TBC1D5: variants seen among roughly 807,000 people sequenced by gnomAD.
TBC1D5 encodes the protein TBC1 domain family member 5.
Under a neutral mutation model 100.3 loss-of-function variants are expected in TBC1D5, and 75 were observed. That is an observed-to-expected ratio of 0.75 (90% CI 0.62 to 0.91). The LOEUF is 0.91. Ranked by LOEUF, TBC1D5 falls within the 40% of genes least tolerant of loss-of-function variation. The pLI is 0.00. For synonymous variants in TBC1D5, 323 were observed against 325.6 expected (o/e 0.99, Z 0.09); for missense variants, 910 against 942.4 (o/e 0.97, Z 0.45).
intron 13 of TBC1D5, among the ~76,000 whole-genome samples, chr3:17,365,515 C>A (rs1032774263): frequency 6.6e-6 from 1 of 152,162 alleles, no homozygotes; most frequent in Non-Finnish European, 1.5e-5. Flanking sequence ...GAATTGGACT[C>A]CGACAAGGAA....
At chr3:17,734,589 G>C (rs1332034017) in intron 1 of TBC1D5, among the ~76,000 whole-genome samples, 1 of 152,274 alleles carries the variant, frequency 6.6e-6, no homozygotes, top group East Asian at 1.9e-4. Context: ...CCTAAAGGAA[G>C]AACAAGACTT....
chr3:17,494,932 G>C (rs541050642), intron 3 of TBC1D5, among the ~76,000 whole-genome samples: 1 of 152,192 alleles, frequency 6.6e-6, no homozygotes, highest in African/African-American at 2.4e-5. Flanking sequence ...CTGATCCCTG[G>C]GTTGCACAGA....
At chr3:17,279,332 G>A (rs1021476879) in intron 15 of TBC1D5, among the ~76,000 whole-genome samples, 15 of 152,202 alleles carry the variant, frequency 9.9e-5, no homozygotes, top group Admixed American at 3.3e-4. Flanking sequence ...GGGACATGGC[G>A]ACACCAACAA....
chr3:17,391,677 TAGC>T (rs1432146813), intron 8 of TBC1D5, among the ~76,000 whole-genome samples: 2 of 151,858 alleles, frequency 1.3e-5, no homozygotes, highest in African/African-American at 4.8e-5. Context: ...AAAAGACTAT[TAGC>T]AAAAGACAAT....
chr3:17,468,457 C>T (rs973666354), intron 3 of TBC1D5, among the ~76,000 whole-genome samples: 1 of 152,000 alleles, frequency 6.6e-6, no homozygotes, highest in African/African-American at 2.4e-5. Context: ...ACTATCAATC[C>T]CCTTAAATTG....
intron 13 of TBC1D5, among the ~76,000 whole-genome samples, chr3:17,338,094 G>A (rs1320782264): frequency 6.6e-6 from 1 of 152,118 alleles, no homozygotes; most frequent in East Asian, 1.9e-4. Flanking sequence ...GAATAACACG[G>A]TGATTTTAAA....
Position 17,690,511 on chromosome 3 carries a change from C to T in TBC1D5, c.-101+48832G>A, listed in dbSNP as rs866045239. Among the ~76,000 whole-genome samples the T allele has an allele frequency of 2.0e-4, 6 of 29,584 alleles. 2 individuals are homozygous for T. The highest frequency in any genetic ancestry group is 2.9e-4 in the Non-Finnish European group (4 of 13,942). 19.4% of individuals were successfully genotyped at this position (29,584 alleles called of 152,430 possible). On this transcript the variant is annotated intron_variant, in intron 1 of 21. Coordinates refer to ENST00000253692, the Ensembl canonical transcript of TBC1D5. ...GATTACAGGCGTGAGCCACCGCGCCCGGCCTAAAAATAGCCATATTTTATA... is the reference window on the plus strand; with the variant it reads ...GATTACAGGCGTGAGCCACCGCGCCTGGCCTAAAAATAGCCATATTTTATA...
intron 2 of TBC1D5, among the ~76,000 whole-genome samples, chr3:17,518,017 A>G (rs2096012665): frequency 6.6e-6 from 1 of 152,176 alleles, no homozygotes; most frequent in Non-Finnish European, 1.5e-5. Context: ...ATAATAATAA[A>G]CATTAAAAAT....
chr3:17,211,285 T>C (rs1172272369), intron 18 of TBC1D5, among the ~76,000 whole-genome samples: 1 of 152,226 alleles, frequency 6.6e-6, no homozygotes, highest in African/African-American at 2.4e-5. Flanking sequence ...TACGTGTCTT[T>C]TGCCTAGAGA....
At chr3:17,672,614 G>A (rs925416032) in intron 1 of TBC1D5, 3 of 152,176 alleles carry the variant, frequency 2.0e-5, no homozygotes, top group Non-Finnish European at 4.4e-5. Flanking sequence ...GTACTAGGAG[G>A]TTGGGAGGAG....
At chr3:17,665,244 C>G (rs1354423197) in intron 1 of TBC1D5, among the ~76,000 whole-genome samples, 1 of 152,052 alleles carries the variant, frequency 6.6e-6, no homozygotes, top group Non-Finnish European at 1.5e-5. Context: ...AGAAAGGGGC[C>G]TAGTAAGGCC....
chr3:17,255,227 G>GTC (rs1342375895), intron 16 of TBC1D5, among the ~76,000 whole-genome samples: 1 of 152,062 alleles, frequency 6.6e-6, no homozygotes, highest in African/African-American at 2.4e-5. Context: ...TTGAGATGAA[G>GTC]TCTCTCTCTG....
intron 1 of TBC1D5, among the ~76,000 whole-genome samples, chr3:17,671,226 T>C (rs1490052275): frequency 2.0e-5 from 3 of 152,190 alleles, no homozygotes; most frequent in Non-Finnish European, 4.4e-5. Flanking sequence ...AGATGTACAA[T>C]ACAGATGCAG....
At chr3:17,293,677 T>C (rs1351937509) in intron 14 of TBC1D5, among the ~76,000 whole-genome samples, 1 of 152,226 alleles carries the variant, frequency 6.6e-6, no homozygotes, top group Non-Finnish European at 1.5e-5. Flanking sequence ...GAGTACCTCA[T>C]TCATGACAGG....
intron 13 of TBC1D5, among the ~76,000 whole-genome samples, chr3:17,322,059 G>C (rs991834694): frequency 6.6e-6 from 1 of 152,082 alleles, no homozygotes; most frequent in African/African-American, 2.4e-5. Context: ...TCTCATAGCT[G>C]TTATGTTATA....
Position 17,167,848 on chromosome 3 carries a change from A to G in TBC1D5, c.1853-20T>C. ...TATTTACTGAAAATAGAAGAATGAC[A>G]TTTTATAACCAATGCTCTGAGCATA... On this transcript the variant is annotated intron_variant, in intron 19 of 21. Transcript: ENST00000253692. 4 of 1,551,858 alleles carry G rather than the reference A, an allele frequency of 2.6e-6. No homozygotes were observed. The highest frequency in any genetic ancestry group is 2.7e-6 in the Non-Finnish European group (3 of 1,131,222).
At chr3:17,182,713 A>G (rs2068583533) in intron 19 of TBC1D5, among the ~76,000 whole-genome samples, 1 of 152,130 alleles carries the variant, frequency 6.6e-6, no homozygotes, top group Non-Finnish European at 1.5e-5. Flanking sequence ...TAAACAAGTA[A>G]CCATAATTAG....
chr3:17,386,015 C>T (rs762597770), intron 8 of TBC1D5, among the ~76,000 whole-genome samples: 1 of 151,972 alleles, frequency 6.6e-6, no homozygotes, highest in Non-Finnish European at 1.5e-5. Context: ...GTTGCTAAAG[C>T]CCTTAAAAAT....
At chr3:17,199,949 G>A (rs2125784659) in intron 18 of TBC1D5, among the ~76,000 whole-genome samples, 2 of 152,294 alleles carry the variant, frequency 1.3e-5, no homozygotes, top group Middle Eastern at 3.4e-3. Context: ...GGTGAGAAAA[G>A]TAGAGAAATG....
Sources: gnomAD v4.1 joint callset for allele counts (sites outside exome capture counted in the v4.1 genomes callset) on GRCh38, gnomAD v4.1.1 for gene constraint, MANE v1.5 for transcripts, NCBI Gene and HGNC (gene_info 2026-07-23, HGNC 2026-07-21) for gene names.